The following FHIT variants were observed in gnomAD, a reference collection of about 807,000 sequenced individuals.
FHIT encodes fragile histidine triad diadenosine triphosphatase.
Under a neutral mutation model 17.9 loss-of-function variants are expected in FHIT, and 19 were observed. That is an observed-to-expected ratio of 1.06 (90% CI 0.74 to 1.56). FHIT has a LOEUF of 1.56. Among genes scored for constraint, FHIT ranks in the 40% most tolerant of loss-of-function variants. The probability of loss-of-function intolerance (pLI) is 0.00; values close to 1 mark genes in which losing one functional copy is unlikely to be tolerated. For synonymous variants in FHIT, 81 were observed against 69.7 expected, an observed-to-expected ratio of 1.16 and a Z score of -0.81; for missense variants, 248 against 189.2, an observed-to-expected ratio of 1.31 and a Z score of -1.82.
intron 4 of FHIT, among the ~76,000 whole-genome samples, chr3:60,821,029 G>A (rs1261648075): frequency 1.3e-5 from 2 of 151,868 alleles, no homozygotes; most frequent in Admixed American, 6.6e-5. Context: ...AGGCTGGAGT[G>A]CAATGGCATG....
intron 4 of FHIT, among the ~76,000 whole-genome samples, chr3:60,790,797 G>A (rs1553728300): frequency 6.6e-6 from 1 of 152,082 alleles, no homozygotes; most frequent in African/African-American, 2.4e-5. Flanking sequence ...TGTAAACGAG[G>A]GATGACTTCA....
chr3:60,596,216 CTCAG>C (rs2038266257), intron 4 of FHIT: 1 of 174,570 alleles, frequency 5.7e-6, no homozygotes, highest in Admixed American at 6.5e-5. Context: ...CCACTATCTC[CTCAG>C]TCAAATACAG....
chr3:61,104,393 C>T (rs1287786687), intron 2 of FHIT, among the ~76,000 whole-genome samples: 2 of 152,168 alleles, frequency 1.3e-5, no homozygotes, highest in African/African-American at 4.8e-5. Flanking sequence ...TGAACATTGG[C>T]CCCCAGTCTC....
intron 5 of FHIT, among the ~76,000 whole-genome samples, chr3:60,504,641 T>C (rs1418087913): frequency 6.6e-6 from 1 of 152,070 alleles, no homozygotes; most frequent in African/African-American, 2.4e-5. Context: ...CAGGCTGTAT[T>C]CAACCGCAGC....
chr3:60,856,976 T>C (rs1486879780), intron 3 of FHIT, among the ~76,000 whole-genome samples: 1 of 152,130 alleles, frequency 6.6e-6, no homozygotes, highest in Non-Finnish European at 1.5e-5. Flanking sequence ...ACCTTCCCAA[T>C]GTGATATACT....
intron 4 of FHIT, among the ~76,000 whole-genome samples, chr3:60,742,159 A>G (rs1168864022): frequency 6.6e-6 from 1 of 152,230 alleles, no homozygotes; most frequent in African/African-American, 2.4e-5. Flanking sequence ...AAAGGACCAC[A>G]TGAGGGAATG....
rs567409597 is a variant in FHIT at position 61,182,261 on chromosome 3, T to C, written c.-164+18356A>G. Reference sequence around the variant, plus strand: ...AAAACATTGTATTCCACGGTTAAAGTATGAAATGCCTACATAACCAGATAA... The same window carrying C: ...AAAACATTGTATTCCACGGTTAAAGCATGAAATGCCTACATAACCAGATAA... On this transcript the variant is annotated intron_variant, in intron 2 of 9. Transcript: ENST00000492590. 3.0e-4 allele frequency among the ~76,000 whole-genome samples: 45 copies of C among 152,314 alleles called. No homozygotes were observed. In the East Asian group the frequency reaches 6.9e-3, roughly 24 times the overall value.
intron 1 of FHIT, among the ~76,000 whole-genome samples, chr3:61,207,302 C>A (rs532783372): frequency 0.019 from 2,839 of 151,896 alleles, 79 homozygotes; most frequent in African/African-American, 0.065. Context: ...TGTCTCTGCC[C>A]AGCTTTGGTA....
At position 61,043,624 on chromosome 3, in the gene FHIT, G is replaced by A. The variant is rs368199183; in HGVS notation, c.-163-1525C>T. On this transcript the variant is annotated intron_variant, in intron 2 of 9. Coordinates refer to ENST00000492590, the MANE Select transcript of FHIT (RefSeq NM_002012.4). ...CGTCCCTGTCTGACAGCTTTGAAGA[G>A]AGCAGTGGTTCTCCCACCATGGAGT... Among the ~76,000 whole-genome samples the A allele has an allele frequency of 1.7e-4, 26 of 152,332 alleles. No homozygotes were observed. The East Asian group carries it at 4.8e-3, about 28-fold the overall frequency.
intron 5 of FHIT, among the ~76,000 whole-genome samples, chr3:60,027,503 TAAAAG>T (rs902994368): frequency 5.9e-5 from 9 of 152,138 alleles, no homozygotes; most frequent in Admixed American, 5.2e-4. Context: ...CATCATCACT[TAAAAG>T]AAAATAGAAA....
At chr3:61,064,250 C>A (rs1384446634) in intron 2 of FHIT, among the ~76,000 whole-genome samples, 1 of 151,952 alleles carries the variant, frequency 6.6e-6, no homozygotes, top group African/African-American at 2.4e-5. Context: ...AGAGGCCCAC[C>A]ACGAGATGGC....
intron 8 of FHIT, among the ~76,000 whole-genome samples, chr3:59,849,626 G>A (rs530869336): frequency 5.3e-5 from 8 of 152,300 alleles, no homozygotes; most frequent in South Asian, 4.1e-4. Context: ...CCAACAGCAC[G>A]TACCTGAGGG....
At chr3:60,453,598 C>G (rs398322) in intron 5 of FHIT, among the ~76,000 whole-genome samples, 28,461 of 151,980 alleles carry the variant, frequency 0.19, 4,302 homozygotes, top group African/African-American at 0.41. Flanking sequence ...GTTTCACCAT[C>G]AGTCCTGTTT....
chr3:60,556,141 C>T (rs950976700), intron 4 of FHIT, among the ~76,000 whole-genome samples: 1 of 152,178 alleles, frequency 6.6e-6, no homozygotes, highest in Non-Finnish European at 1.5e-5. Context: ...CTGGAATGAA[C>T]AGTGAGTCTC....
At chr3:59,943,694 G>T (rs919320805) in intron 7 of FHIT, among the ~76,000 whole-genome samples, 7 of 152,122 alleles carry the variant, frequency 4.6e-5, no homozygotes, top group Non-Finnish European at 1.0e-4. Context: ...GAACATATTT[G>T]ACTCTACCAT....
At chr3:61,205,428 A>G (rs1390375697) in intron 1 of FHIT, among the ~76,000 whole-genome samples, 1 of 152,228 alleles carries the variant, frequency 6.6e-6, no homozygotes, top group Non-Finnish European at 1.5e-5. Context: ...ACTAGTTTAC[A>G]GTCCCACCAA....
intron 5 of FHIT, among the ~76,000 whole-genome samples, chr3:60,417,282 T>G (rs1702286410): frequency 6.6e-6 from 1 of 152,124 alleles, no homozygotes; most frequent in African/African-American, 2.4e-5. Context: ...AAAAGCAAGT[T>G]GCAACTGTTC....
At chr3:60,826,484 G>A (rs1013012720) in intron 3 of FHIT, among the ~76,000 whole-genome samples, 3 of 152,088 alleles carry the variant, frequency 2.0e-5, no homozygotes, top group African/African-American at 4.8e-5. Context: ...GCACCACTAC[G>A]CCTGGCTAAT....
intron 5 of FHIT, among the ~76,000 whole-genome samples, chr3:60,162,961 C>A (rs1188718893): frequency 6.6e-6 from 1 of 152,166 alleles, no homozygotes; most frequent in Non-Finnish European, 1.5e-5. Flanking sequence ...TTCCAGAGTA[C>A]AGAGCACCCC....
Sources: allele counts gnomAD v4.1 joint callset (sites outside exome capture counted in the v4.1 genomes callset), GRCh38; gene constraint gnomAD v4.1.1; transcripts MANE v1.5; gene names NCBI Gene and HGNC (gene_info 2026-07-23, HGNC 2026-07-21).